The following COL26A1 variants were observed in gnomAD, a reference collection of about 807,000 sequenced individuals.
COL26A1 encodes collagen alpha-1(XXVI) chain.
A neutral mutation model predicts 59.3 loss-of-function variants in COL26A1; 41 were observed. That is an observed-to-expected ratio of 0.69 (90% CI 0.54 to 0.90). The LOEUF is 0.90. COL26A1 is among the 40% of genes least tolerant of loss of function. COL26A1 has a pLI of 0.00. For synonymous variants in COL26A1, 266 were observed against 256.0 expected (o/e 1.04, Z -0.37); for missense variants, 612 against 602.3 (o/e 1.02, Z -0.17).
At chr7:101,418,371 A>G (rs535692507) in intron 1 of COL26A1, among the ~76,000 whole-genome samples, 1 of 152,206 alleles carries the variant, frequency 6.6e-6, no homozygotes, top group East Asian at 1.9e-4. Flanking sequence ...TTTGCCTTCA[A>G]TGTGGGCCCA....
chr7:101,468,517 G>A (rs949094171), intron 3 of COL26A1, among the ~76,000 whole-genome samples: 4 of 152,136 alleles, frequency 2.6e-5, no homozygotes, highest in South Asian at 2.1e-4. Flanking sequence ...TCTGCTCCCC[G>A]AGGCAGGGCT....
At chr7:101,458,856 C>T (rs1793541968) in intron 3 of COL26A1, among the ~76,000 whole-genome samples, 1 of 148,370 alleles carries the variant, frequency 6.7e-6, no homozygotes. Context: ...GCCTGGAGTG[C>T]AGTGGCATGA....
At chr7:101,368,962 A>ATGTG (rs1025213540) in intron 1 of COL26A1, among the ~76,000 whole-genome samples, 1 of 118,080 alleles carries the variant, frequency 8.5e-6, no homozygotes, top group African/African-American at 3.6e-5. Context: ...TTGTGTGTGT[A>ATGTG]TGTGTGTGTG....
intron 1 of COL26A1, among the ~76,000 whole-genome samples, chr7:101,415,400 C>T (rs914066995): frequency 4.6e-5 from 7 of 152,130 alleles, no homozygotes; most frequent in African/African-American, 1.2e-4. Flanking sequence ...ATGATCTACC[C>T]GCCTTGGTTT....
At chr7:101,524,505 G>A (rs1468226593) in intron 3 of COL26A1, among the ~76,000 whole-genome samples, 1 of 152,164 alleles carries the variant, frequency 6.6e-6, no homozygotes, top group Non-Finnish European at 1.5e-5. Context: ...CATGTTCAAT[G>A]TACTAGTGTA....
intron 3 of COL26A1, among the ~76,000 whole-genome samples, chr7:101,504,052 C>T (rs1303112969): frequency 6.6e-6 from 1 of 152,154 alleles, no homozygotes; most frequent in Non-Finnish European, 1.5e-5. Flanking sequence ...GCAGGTGTCC[C>T]CCAGCTCCCC....
intron 3 of COL26A1, among the ~76,000 whole-genome samples, chr7:101,488,022 C>T (rs527853661): frequency 1.3e-5 from 2 of 152,024 alleles, no homozygotes; most frequent in East Asian, 3.9e-4. Context: ...CCTATAATCC[C>T]AGGACTTTGG....
At chr7:101,480,322 A>C (rs1007637295) in intron 3 of COL26A1, among the ~76,000 whole-genome samples, 1 of 151,736 alleles carries the variant, frequency 6.6e-6, no homozygotes, top group Non-Finnish European at 1.5e-5. Context: ...TATTATTCTA[A>C]TTTTTCCAAG....
chr7:101,470,309 G>A (rs1252713233), intron 3 of COL26A1, among the ~76,000 whole-genome samples: 1 of 151,872 alleles, frequency 6.6e-6, no homozygotes, highest in Non-Finnish European at 1.5e-5. Context: ...GGCCAGGCTG[G>A]TCTTGAACTC....
intron 2 of COL26A1, among the ~76,000 whole-genome samples, chr7:101,435,592 C>T (rs1436730746): frequency 2.6e-5 from 4 of 152,252 alleles, no homozygotes; most frequent in East Asian, 3.9e-4. Context: ...GCAGTGGGGA[C>T]GTTGGGCGTC....
chr7:101,362,413 G>A (rs764791715), upstream of COL26A1, among the ~76,000 whole-genome samples: 2 of 152,166 alleles, frequency 1.3e-5, no homozygotes, highest in Non-Finnish European at 1.5e-5. Context: ...GGAAGGAGGA[G>A]AATCCTGGGA....
At chr7:101,554,659 G>C (rs1433396814) in intron 11 of COL26A1, among the ~76,000 whole-genome samples, 1 of 151,730 alleles carries the variant, frequency 6.6e-6, no homozygotes, top group Non-Finnish European at 1.5e-5. Flanking sequence ...CAGGAGGATT[G>C]CTTGAGCCCA....
chr7:101,557,298 TATC>T lies in COL26A1; in HGVS notation c.1166-69_1166-67del. On this transcript the variant is annotated intron_variant, in intron 12 of 12. Coordinates refer to ENST00000313669, the MANE Select transcript of COL26A1 (RefSeq NM_001278563.3). ...GCAAGAGCATCTCTCCGTGGCCACA[TATC>T]ATGATCAAATGTACCCCCAAGTGTT... is the stretch of plus-strand genomic sequence containing the variant. 3 of 1,486,278 alleles carry T rather than the reference TATC, an allele frequency of 2.0e-6. No individual in the cohort carries two copies. In the South Asian group the frequency reaches 4.0e-5, roughly 20 times the overall value. The allele number at this position is 1,486,278 out of a possible 1,614,324, so 92.1% of individuals were successfully genotyped here.
chr7:101,455,503 CTTTTTTTTT>C (rs10690062), intron 3 of COL26A1, among the ~76,000 whole-genome samples: 2 of 116,570 alleles, frequency 1.7e-5, no homozygotes, highest in Non-Finnish European at 3.4e-5. Context: ...CTTTTCTTTT[CTTTTTTTTT>C]TTTTTTTTGA....
chr7:101,392,007 A>C (rs2130154454), intron 1 of COL26A1, among the ~76,000 whole-genome samples: 1 of 152,052 alleles, frequency 6.6e-6, no homozygotes, highest in African/African-American at 2.4e-5. Context: ...CATGAGCCAC[A>C]GCACCTGGCC....
chr7:101,453,249 C>T (rs769874106), intron 3 of COL26A1, among the ~76,000 whole-genome samples: 6 of 152,094 alleles, frequency 3.9e-5, no homozygotes, highest in Non-Finnish European at 8.8e-5. Context: ...TGCCCGTAGC[C>T]CCAGCTACTC....
intron 1 of COL26A1, among the ~76,000 whole-genome samples, chr7:101,366,408 A>T (rs1453309554): frequency 6.7e-6 from 1 of 148,506 alleles, no homozygotes; most frequent in East Asian, 2.0e-4. Context: ...ACAGGCAATG[A>T]TGACAGGGCT....
chr7:101,382,722 A>C (rs1036795214), intron 1 of COL26A1, among the ~76,000 whole-genome samples: 10 of 152,126 alleles, frequency 6.6e-5, no homozygotes, highest in Non-Finnish European at 8.8e-5. Context: ...GATTTTGATC[A>C]GGGTGTGTTA....
intron 1 of COL26A1, among the ~76,000 whole-genome samples, chr7:101,410,300 T>C (rs1792214648): frequency 6.6e-6 from 1 of 152,176 alleles, no homozygotes; most frequent in Non-Finnish European, 1.5e-5. Flanking sequence ...ATAACATGAC[T>C]CCTGAATGCT....
Sources: allele counts gnomAD v4.1 joint callset (sites outside exome capture counted in the v4.1 genomes callset), GRCh38; gene constraint gnomAD v4.1.1; transcripts MANE v1.5; gene names NCBI Gene and HGNC (gene_info 2026-07-23, HGNC 2026-07-21).